Variants in MEMO1 observed in about 807,000 individuals in gnomAD.
The protein encoded by MEMO1 is mediator of cell motility 1, also known as protein MEMO1.
In MEMO1, 6 loss-of-function variants were observed where a neutral mutation model predicts 45.2. The observed-to-expected ratio is 0.13, with a 90% CI of 0.07 to 0.26. The LOEUF (loss-of-function observed/expected upper bound fraction) is 0.26. Among genes scored for constraint, MEMO1 ranks in the 10% least tolerant of loss-of-function variants. The pLI is 1.00. For synonymous variants in MEMO1, 78 were observed against 124.3 expected (o/e 0.63, Z 2.48); for missense variants, 184 against 370.5 (o/e 0.50, Z 4.13).
chr2:31,938,961 A>AT (rs1023224487), intron 3 of MEMO1, among the ~76,000 whole-genome samples: 3 of 151,424 alleles, frequency 2.0e-5, no homozygotes, highest in Non-Finnish European at 2.9e-5. Context: ...TAATTTTTGT[A>AT]TTTTTTGTAG....
intron 2 of MEMO1, among the ~76,000 whole-genome samples, chr2:31,989,128 C>T (rs940750132): frequency 2.0e-5 from 3 of 151,946 alleles, no homozygotes; most frequent in South Asian, 2.1e-4. Flanking sequence ...ATCGCTTGAA[C>T]CCAGGAGGCA....
chr2:32,004,992 T>C (rs1219440463), intron 2 of MEMO1, among the ~76,000 whole-genome samples: 5 of 149,660 alleles, frequency 3.3e-5, no homozygotes, highest in Non-Finnish European at 5.9e-5. Flanking sequence ...AAGGCATATA[T>C]CCATCAAAAA....
At chr2:32,010,722 C>A (rs1674811435) in intron 1 of MEMO1, among the ~76,000 whole-genome samples, 1 of 149,816 alleles carries the variant, frequency 6.7e-6, no homozygotes, top group Non-Finnish European at 1.5e-5. Context: ...CCACCCCCGG[C>A]AGGGCCCTCC....
intron 2 of MEMO1, among the ~76,000 whole-genome samples, chr2:32,000,968 G>A (rs1673228930): frequency 6.7e-6 from 1 of 150,348 alleles, no homozygotes; most frequent in Non-Finnish European, 1.5e-5. Flanking sequence ...AGCAGAAATT[G>A]ATTCGTTCAA....
chr2:31,967,072 G>C (rs17011722), intron 2 of MEMO1, among the ~76,000 whole-genome samples: 18,290 of 151,398 alleles, frequency 0.12, 1,195 homozygotes, highest in Middle Eastern at 0.21. Flanking sequence ...AAATTGCTGT[G>C]TGAGAAATAT....
intron 2 of MEMO1, among the ~76,000 whole-genome samples, chr2:31,979,446 G>C (rs1670390312): frequency 6.6e-6 from 1 of 151,974 alleles, no homozygotes; most frequent in South Asian, 2.1e-4. Flanking sequence ...ATACTAAACT[G>C]ATCTTTACAT....
At chr2:31,881,000 G>C (rs1003865363) in intron 8 of MEMO1, among the ~76,000 whole-genome samples, 2 of 151,346 alleles carry the variant, frequency 1.3e-5, no homozygotes, top group Admixed American at 6.6e-5. Flanking sequence ...CTCCAGCCTG[G>C]GTGACAGAGG....
chr2:32,001,361 G>A (rs1281227645), intron 2 of MEMO1, among the ~76,000 whole-genome samples: 4 of 151,878 alleles, frequency 2.6e-5, no homozygotes, highest in Non-Finnish European at 4.4e-5. Context: ...ATTTTATTAC[G>A]TCCAATTCAA....
chr2:31,934,067 G>T (rs1431358723), intron 3 of MEMO1, among the ~76,000 whole-genome samples: 2 of 152,062 alleles, frequency 1.3e-5, no homozygotes, highest in Non-Finnish European at 2.9e-5. Context: ...TGTCCATGTG[G>T]ACCTTAAAAC....
chr2:31,937,493 T>C (rs947566395), intron 3 of MEMO1, among the ~76,000 whole-genome samples: 4 of 152,206 alleles, frequency 2.6e-5, no homozygotes, highest in African/African-American at 9.6e-5. Context: ...TGTATGAAGA[T>C]TGTCTCATGA....
At chr2:31,885,551 G>C (rs1676069912) in intron 7 of MEMO1, among the ~76,000 whole-genome samples, 1 of 152,126 alleles carries the variant, frequency 6.6e-6, no homozygotes, top group Non-Finnish European at 1.5e-5. Context: ...AAGTTATTTT[G>C]ACAAAGCTGT....
chr2:31,981,203 C>T (rs1012308445), intron 2 of MEMO1, among the ~76,000 whole-genome samples: 2 of 152,220 alleles, frequency 1.3e-5, no homozygotes, highest in Non-Finnish European at 2.9e-5. Context: ...ACAGACAGTT[C>T]TTACTACAGC....
chr2:31,932,258 A>G (rs1454880992), intron 3 of MEMO1, 123 bp from the exon 4 acceptor site: 5 of 704,902 alleles, frequency 7.1e-6, no homozygotes, highest in Non-Finnish European at 1.2e-5. Flanking sequence ...GCATATGTTA[A>G]ATAACAATGT....
intron 8 of MEMO1, among the ~76,000 whole-genome samples, chr2:31,874,011 T>C (rs768368480): frequency 3.9e-5 from 6 of 152,112 alleles, no homozygotes; most frequent in Non-Finnish European, 8.8e-5. Context: ...TTTTCACTTT[T>C]AAAACAGTAG....
intron 6 of MEMO1, among the ~76,000 whole-genome samples, chr2:31,904,758 GT>G (rs1679419200): frequency 6.6e-6 from 1 of 152,310 alleles, no homozygotes; most frequent in African/African-American, 2.4e-5. Context: ...GGTCATGAAA[GT>G]TTCAAACAGG....
At chr2:31,989,323 G>A (rs116006924) in intron 2 of MEMO1, among the ~76,000 whole-genome samples, 2,398 of 151,866 alleles carry the variant, frequency 0.016, 51 homozygotes, top group African/African-American at 0.054. Flanking sequence ...GAAAAAATTC[G>A]AATTTTGCAA....
chr2:31,946,903 T>A (rs374212474), intron 2 of MEMO1, among the ~76,000 whole-genome samples: 1 of 152,226 alleles, frequency 6.6e-6, no homozygotes, highest in South Asian at 2.1e-4. Flanking sequence ...TATGTTTACA[T>A]ACACAAATAT....
chr2:31,948,271 C>T (rs552980819), intron 2 of MEMO1, among the ~76,000 whole-genome samples: 4 of 152,326 alleles, frequency 2.6e-5, no homozygotes, highest in East Asian at 1.9e-4. Context: ...CACAAGGGAG[C>T]CTTCTAGTGT....
intron 7 of MEMO1, among the ~76,000 whole-genome samples, chr2:31,891,168 G>C (rs1480301271): frequency 6.6e-6 from 1 of 152,080 alleles, no homozygotes; most frequent in Non-Finnish European, 1.5e-5. Context: ...TTACATTTTA[G>C]GTTTCCTTAT....
Sources: gnomAD v4.1 joint callset for allele counts (sites outside exome capture counted in the v4.1 genomes callset) on GRCh38, gnomAD v4.1.1 for gene constraint, MANE v1.5 for transcripts, NCBI Gene and HGNC (gene_info 2026-07-23, HGNC 2026-07-21) for gene names.